Variants in COBLL1 observed in about 807,000 individuals in gnomAD.
The protein encoded by COBLL1 is cordon-bleu WH2 repeat protein like 1, also known as cordon-bleu protein-like 1.
In COBLL1, 50 loss-of-function variants were observed where a neutral mutation model predicts 94.8. The observed-to-expected ratio is 0.53, with a 90% confidence interval of 0.42 to 0.67. The LOEUF (loss-of-function observed/expected upper bound fraction) is 0.67. Among genes scored for constraint, COBLL1 ranks in the 30% least tolerant of loss-of-function variants. The pLI, the probability that COBLL1 is intolerant of heterozygous loss-of-function variation, is 0.00. For synonymous variants in COBLL1, 448 were observed against 473.8 expected (o/e 0.95, Z 0.71); for missense variants, 1,362 against 1,348.7 (o/e 1.01, Z -0.15).
intron 2 of COBLL1, among the ~76,000 whole-genome samples, chr2:164,782,991 A>C (rs1210900354): frequency 6.6e-6 from 1 of 152,068 alleles, no homozygotes; most frequent in Admixed American, 6.5e-5. Flanking sequence ...TTTTTTTCAT[A>C]TATTACATAA....
At chr2:164,824,657 C>A (rs1398186707) in intron 2 of COBLL1, among the ~76,000 whole-genome samples, 1 of 152,098 alleles carries the variant, frequency 6.6e-6, no homozygotes, top group East Asian at 1.9e-4. Context: ...TTTTTACAGA[C>A]AGCATGTTAA....
chr2:164,815,765 A>G (rs368168042), intron 2 of COBLL1, among the ~76,000 whole-genome samples: 140 of 152,246 alleles, frequency 9.2e-4, no homozygotes, highest in African/African-American at 2.7e-3. Flanking sequence ...CCCAAACCAT[A>G]TTATTCATTC....
At chr2:164,668,006 G>A (rs957957536) in intron 1 of COBLL1, among the ~76,000 whole-genome samples, 3 of 148,456 alleles carry the variant, frequency 2.0e-5, no homozygotes, top group African/African-American at 5.0e-5. Flanking sequence ...GGGCAGTGGC[G>A]TGAGCTCAGC....
intron 1 of COBLL1, among the ~76,000 whole-genome samples, chr2:164,669,772 AAACTTT>A (rs1175621197): frequency 6.6e-6 from 1 of 152,254 alleles, no homozygotes; most frequent in African/African-American, 2.4e-5. Flanking sequence ...CATGTGGCTT[AAACTTT>A]GACTCAGTTT....
At chr2:164,734,266 T>C (rs1279928085) in intron 3 of COBLL1, among the ~76,000 whole-genome samples, 2 of 147,494 alleles carry the variant, frequency 1.4e-5, no homozygotes, top group East Asian at 2.0e-4. Context: ...AATTGAAAAA[T>C]GACACCAGAA....
At chr2:164,754,855 G>T (rs1241485601) in intron 2 of COBLL1, among the ~76,000 whole-genome samples, 1 of 152,184 alleles carries the variant, frequency 6.6e-6, no homozygotes, top group East Asian at 1.9e-4. Context: ...GTGTGACAAT[G>T]AAGTAGAGCA....
At chr2:164,709,052 T>C (rs1684750359) in intron 7 of COBLL1, among the ~76,000 whole-genome samples, 1 of 152,180 alleles carries the variant, frequency 6.6e-6, no homozygotes, top group Non-Finnish European at 1.5e-5. Context: ...GACTCACAAA[T>C]TTTTATGAGC....
At chr2:164,704,321 G>A (rs1161792179) in intron 9 of COBLL1, 123 bp downstream of exon 9, 1 of 687,592 alleles carries the variant, frequency 1.5e-6, no homozygotes. Flanking sequence ...ATAAAAATTT[G>A]GGAAATGAGG....
chr2:164,710,183 C>T (rs1401063698), intron 7 of COBLL1, among the ~76,000 whole-genome samples: 1 of 152,136 alleles, frequency 6.6e-6, no homozygotes, highest in East Asian at 1.9e-4. Flanking sequence ...TAAAACATCA[C>T]TCTTAACACA....
At chr2:164,781,768 T>A (rs1688734169) in intron 2 of COBLL1, among the ~76,000 whole-genome samples, 1 of 152,194 alleles carries the variant, frequency 6.6e-6, no homozygotes, top group African/African-American at 2.4e-5. Context: ...AGGCTTTATC[T>A]GTGAAGGTGC....
chr2:164,701,535 G>C (rs1305919402), intron 9 of COBLL1, among the ~76,000 whole-genome samples: 1 of 152,050 alleles, frequency 6.6e-6, no homozygotes, highest in Non-Finnish European at 1.5e-5. Context: ...CCTTTTGTTA[G>C]TTTATTTAAT....
chr2:164,667,232 A>G (rs114648508), intron 1 of COBLL1, among the ~76,000 whole-genome samples: 1,575 of 152,248 alleles, frequency 0.01, 20 homozygotes, highest in Middle Eastern at 0.027. Flanking sequence ...GGCTTAAAAT[A>G]TTCAGTAATC....
intron 2 of COBLL1, among the ~76,000 whole-genome samples, chr2:164,826,905 TTTG>T (rs1685457127): frequency 6.6e-6 from 1 of 151,632 alleles, no homozygotes; most frequent in South Asian, 2.3e-4. Flanking sequence ...CGTTTTTTTT[TTTG>T]TTTCTCTCTC....
intron 2 of COBLL1, among the ~76,000 whole-genome samples, chr2:164,781,560 T>A (rs355900): frequency 1.3e-5 from 2 of 152,050 alleles, no homozygotes; most frequent in Non-Finnish European, 1.5e-5. Context: ...CATATCTTTA[T>A]GGATACTTTA....
chr2:164,841,069 TGCCAGCCAGGTGAAACGGCCGAG>T lies in COBLL1; in HGVS notation c.41+64_41+86del, dbSNP rs763149621. On this transcript the variant is annotated intron_variant, in intron 2 of 13. Coordinates refer to ENST00000652658, the MANE Select transcript of COBLL1 (RefSeq NM_001365672.2). This position sits in a 1 kb window ranked among gnomAD's most constrained non-coding sequence, Gnocchi z 5.5. ...TCAGGCCGCCGGCAGGGCAGCGAGT[TGCCAGCCAGGTGAAACGGCCGAG>T]GCCTCGCTGTCCTCGCCGGCCTCGC... The T allele has an allele frequency of 6.0e-5, 72 of 1,201,062 alleles. No homozygotes were observed. The highest frequency in any genetic ancestry group is 7.3e-5 in the Non-Finnish European group (70 of 961,370). The allele number at this position is 1,201,062 out of a possible 1,614,324, so 74.4% of individuals were successfully genotyped here.
chr2:164,803,979 G>A (rs116840077), intron 2 of COBLL1, among the ~76,000 whole-genome samples: 7 of 152,174 alleles, frequency 4.6e-5, no homozygotes, highest in African/African-American at 1.7e-4. Flanking sequence ...TGAAGAGGGC[G>A]ATGAAATTCC....
At chr2:164,768,093 A>G (rs148061225) in intron 2 of COBLL1, among the ~76,000 whole-genome samples, 1 of 152,156 alleles carries the variant, frequency 6.6e-6, no homozygotes, top group South Asian at 2.1e-4. Flanking sequence ...TTGCTGGAGA[A>G]CTGTGATCCA....
At chr2:164,828,262 T>C (rs1574663427) in intron 2 of COBLL1, among the ~76,000 whole-genome samples, 1 of 152,268 alleles carries the variant, frequency 6.6e-6, no homozygotes, top group East Asian at 1.9e-4. Flanking sequence ...TCTAGGTATA[T>C]GTGGAAATGA....
intron 2 of COBLL1, among the ~76,000 whole-genome samples, chr2:164,804,395 TAA>T (rs533530962): frequency 6.7e-4 from 102 of 152,002 alleles, no homozygotes; most frequent in Non-Finnish European, 1.2e-3. Flanking sequence ...ATGAAAATAA[TAA>T]AAGTTTACTT....
Sources: gnomAD v4.1 joint callset for allele counts (sites outside exome capture counted in the v4.1 genomes callset) on GRCh38, gnomAD v4.1.1 for gene constraint, Gnocchi (gnomAD v3.1) non-coding constraint, MANE v1.5 for transcripts, NCBI Gene and HGNC (gene_info 2026-07-23, HGNC 2026-07-21) for gene names.